THSD4: variants seen among roughly 807,000 people sequenced by gnomAD.
THSD4 encodes thrombospondin type 1 domain containing 4, also known as thrombospondin type-1 domain-containing protein 4.
Under a neutral mutation model 119.0 loss-of-function variants are expected in THSD4, and 69 were observed. The observed-to-expected ratio is 0.58, with a 90% CI of 0.48 to 0.71. THSD4 has a LOEUF of 0.71. Ranked by LOEUF, THSD4 falls within the 30% of genes least tolerant of loss-of-function variation. The pLI is 0.00. For missense variants in THSD4, 1,393 were observed against 1,391.1 expected, an observed-to-expected ratio of 1.00 and a Z score of -0.02; for synonymous variants, 524 against 540.4, an observed-to-expected ratio of 0.97 and a Z score of 0.42.
intron 7 of THSD4, among the ~76,000 whole-genome samples, chr15:71,431,215 A>C (rs1433060184): frequency 6.6e-6 from 1 of 152,168 alleles, no homozygotes; most frequent in Admixed American, 6.5e-5. Flanking sequence ...AAAGCCATAA[A>C]ATATCATAAT....
chr15:71,550,791 C>T (rs1322562142), intron 7 of THSD4, among the ~76,000 whole-genome samples: 1 of 152,142 alleles, frequency 6.6e-6, no homozygotes, highest in Non-Finnish European at 1.5e-5. Context: ...ATCTTAGCTG[C>T]TGATGGGTAC....
intron 6 of THSD4, among the ~76,000 whole-genome samples, chr15:71,398,706 C>G (rs2140481094): frequency 6.6e-6 from 1 of 152,184 alleles, no homozygotes; most frequent in East Asian, 1.9e-4. Context: ...TGAAAGCTGG[C>G]AGCCAGGGGG....
intron 7 of THSD4, among the ~76,000 whole-genome samples, chr15:71,657,182 A>C (rs563039257): frequency 1.3e-5 from 2 of 152,302 alleles, no homozygotes; most frequent in South Asian, 4.1e-4. Context: ...TTAGACTCAG[A>C]TTCCCAAAGT....
chr15:71,167,606 C>T (rs1424346088), intron 3 of THSD4, among the ~76,000 whole-genome samples: 1 of 152,146 alleles, frequency 6.6e-6, no homozygotes, highest in Non-Finnish European at 1.5e-5. Context: ...AAATTGTTTT[C>T]ATTACTTAGA....
intron 7 of THSD4, among the ~76,000 whole-genome samples, chr15:71,445,842 C>A (rs1045607967): frequency 6.6e-6 from 1 of 152,160 alleles, no homozygotes; most frequent in African/African-American, 2.4e-5. Context: ...GATATGAAAT[C>A]CTTACGATGT....
chr15:71,153,299 C>G (rs2040743841), intron 2 of THSD4, among the ~76,000 whole-genome samples: 1 of 152,214 alleles, frequency 6.6e-6, no homozygotes, highest in Non-Finnish European at 1.5e-5. Flanking sequence ...CATCCTCCAG[C>G]CTCCTTGTGC....
At chr15:71,143,753 T>C (rs1224022024) in intron 2 of THSD4, among the ~76,000 whole-genome samples, 5 of 148,226 alleles carry the variant, frequency 3.4e-5, no homozygotes, top group Non-Finnish European at 6.0e-5. Flanking sequence ...TCACCCAGGC[T>C]GGAGTACAGT....
intron 6 of THSD4, among the ~76,000 whole-genome samples, chr15:71,363,427 A>G (rs2119569): frequency 0.21 from 31,242 of 152,136 alleles, 3,911 homozygotes; most frequent in East Asian, 0.54. Context: ...CCTGGTGTGC[A>G]TGTGTGTACG....
intron 14 of THSD4, among the ~76,000 whole-genome samples, chr15:71,750,246 G>T (rs367567421): frequency 6.6e-6 from 1 of 152,088 alleles, no homozygotes; most frequent in African/African-American, 2.4e-5. Context: ...ACCCTTTCAC[G>T]CAGTTTGGGG....
chr15:71,141,831 C>A (rs2040607886), intron 2 of THSD4, among the ~76,000 whole-genome samples: 1 of 152,156 alleles, frequency 6.6e-6, no homozygotes, highest in Admixed American at 6.5e-5. Context: ...AGGCCGGATG[C>A]AGTGGCTTAC....
chr15:71,776,265 C>T (rs184033934), intron 17 of THSD4, among the ~76,000 whole-genome samples: 22 of 152,212 alleles, frequency 1.4e-4, no homozygotes, highest in Non-Finnish European at 2.6e-4. Context: ...TCAATCAACA[C>T]CAGAAGCAAA....
chr15:71,760,878 A>G (rs1261898694), intron 15 of THSD4, among the ~76,000 whole-genome samples: 2 of 152,284 alleles, frequency 1.3e-5, no homozygotes, highest in African/African-American at 2.4e-5. Context: ...CATTTTATCT[A>G]CTATTTGAAT....
intron 11 of THSD4, among the ~76,000 whole-genome samples, chr15:71,739,801 G>GT (rs11314493): frequency 0.079 from 11,204 of 142,094 alleles, 505 homozygotes; most frequent in South Asian, 0.13. Context: ...GTTTGGGGTG[G>GT]TTTTTTTTTT....
intron 8 of THSD4, among the ~76,000 whole-genome samples, chr15:71,714,642 T>A (rs777307385): frequency 1.4e-4 from 21 of 152,088 alleles, no homozygotes; most frequent in Middle Eastern, 3.4e-3. Flanking sequence ...AGATCAGGAG[T>A]TCGAGACCAG....
chr15:71,676,456 AT>A (rs1344503785), intron 8 of THSD4, among the ~76,000 whole-genome samples: 1 of 152,002 alleles, frequency 6.6e-6, no homozygotes, highest in Non-Finnish European at 1.5e-5. Flanking sequence ...TAATTTTTGT[AT>A]TTTTAGTAGA....
chr15:71,222,401 A>G (rs1467435500), intron 4 of THSD4, among the ~76,000 whole-genome samples: 3 of 152,168 alleles, frequency 2.0e-5, no homozygotes, highest in African/African-American at 4.8e-5. Context: ...CTGGTCATTC[A>G]TCACACTCAT....
intron 6 of THSD4, among the ~76,000 whole-genome samples, chr15:71,365,382 C>T (rs1307756320): frequency 6.6e-6 from 1 of 152,074 alleles, no homozygotes; most frequent in African/African-American, 2.4e-5. Flanking sequence ...AATGGTAACC[C>T]AGGCATGACT....
intron 7 of THSD4, among the ~76,000 whole-genome samples, chr15:71,552,997 TAA>T (rs1364227507): frequency 6.6e-6 from 1 of 152,180 alleles, no homozygotes; most frequent in Non-Finnish European, 1.5e-5. Context: ...ATACAGAGAA[TAA>T]AAGTTAAAGG....
At chr15:71,215,839 G>A (rs181377453) in intron 4 of THSD4, among the ~76,000 whole-genome samples, 1 of 152,340 alleles carries the variant, frequency 6.6e-6, no homozygotes, top group African/African-American at 2.4e-5. Flanking sequence ...TAAGTTGAAT[G>A]TTTGGAGCCT....
Sources: gnomAD v4.1 joint callset for allele counts (sites outside exome capture counted in the v4.1 genomes callset) on GRCh38, gnomAD v4.1.1 for gene constraint, MANE v1.5 for transcripts, NCBI Gene and HGNC (gene_info 2026-07-23, HGNC 2026-07-21) for gene names.